VPS50: variants seen among roughly 807,000 people sequenced by gnomAD.
The protein encoded by VPS50 is syndetin.
In VPS50, 70 loss-of-function variants were observed where a neutral mutation model predicts 139.7. The observed-to-expected ratio is 0.50, with a 90% CI of 0.41 to 0.61. VPS50 has a LOEUF of 0.61. Ranked by LOEUF, VPS50 falls within the 20% of genes least tolerant of loss-of-function variation. VPS50 has a pLI of 0.00. For missense variants in VPS50, 921 were observed against 1,133.7 expected, an observed-to-expected ratio of 0.81 and a Z score of 2.69; for synonymous variants, 365 against 376.7, an observed-to-expected ratio of 0.97 and a Z score of 0.36.
At chr7:93,253,702 A>C (rs1795404048) in intron 3 of VPS50, among the ~76,000 whole-genome samples, 158 bp from the exon 4 acceptor site, 1 of 152,126 alleles carries the variant, frequency 6.6e-6, no homozygotes, top group Non-Finnish European at 1.5e-5. Flanking sequence ...GTTGGAACCT[A>C]GGAGGGAGGT....
intron 11 of VPS50, chr7:93,273,417 A>C (rs1796068669): frequency 6.6e-6 from 1 of 152,064 alleles, no homozygotes; most frequent in Non-Finnish European, 1.5e-5. Flanking sequence ...CCTCTTTTAG[A>C]AGGAAGTTTA....
At chr7:93,265,262 A>G (rs1021330910) in intron 9 of VPS50, among the ~76,000 whole-genome samples, 1 of 152,190 alleles carries the variant, frequency 6.6e-6, no homozygotes, top group African/African-American at 2.4e-5. Context: ...GAACTCTAGC[A>G]TGGGCTTGGC....
At chr7:93,244,081 C>T (rs1223050565) in intron 2 of VPS50, among the ~76,000 whole-genome samples, 1 of 151,102 alleles carries the variant, frequency 6.6e-6, no homozygotes, top group Non-Finnish European at 1.5e-5. Context: ...GATTTTTTTT[C>T]GTGAAAGAAA....
In VPS50 at chr7:93,358,426, C is replaced by T; in HGVS notation, c.2885C>T (p.Pro962Leu). The T allele has an allele frequency of 6.2e-7, 1 of 1,610,992 alleles. No homozygotes were observed. Among genetic ancestry groups the T allele is most frequent in the Non-Finnish European group, 8.5e-7 (1 of 1,177,698 alleles). The change falls in exon 28 of 28, where the codon CCT becomes CTT. Residue 962 changes from proline (P) to leucine (L), a missense_variant. Pro to Leu is a moderately conservative substitution (Grantham distance 98). Transcript: ENST00000305866. ...LLAAIDDIDR[P>L]KR ...GCAGCTATAGATGATATAGACAGAC[C>T]TAAAAGATAATGAACACAGCTCTCT... is the stretch of plus-strand genomic sequence containing the variant.
intron 23 of VPS50, among the ~76,000 whole-genome samples, chr7:93,346,704 G>T (rs1212807002): frequency 6.7e-6 from 1 of 149,314 alleles, no homozygotes; most frequent in African/African-American, 2.5e-5. Context: ...TGACAAACCT[G>T]AGAAAAACAA....
intron 2 of VPS50, among the ~76,000 whole-genome samples, chr7:93,250,086 G>A (rs567396908): frequency 5.3e-5 from 8 of 151,564 alleles, no homozygotes; most frequent in South Asian, 2.1e-4. Flanking sequence ...TTTTTTTCTC[G>A]GTGTATTTTA....
chr7:93,240,249 ACTCTCTCT>A (rs4015280), intron 2 of VPS50, among the ~76,000 whole-genome samples: 1 of 109,314 alleles, frequency 9.1e-6, no homozygotes, highest in Non-Finnish European at 1.9e-5. Flanking sequence ...ACACACACAC[ACTCTCTCT>A]CTCTCTCTCT....
rs766295203 is a variant in VPS50, at chr7:93,305,927, T to C, written c.1552T>C (p.Cys518Arg). The change falls in exon 18 of 28, where the codon TGT becomes CGT. Residue 518 changes from cysteine (C) to arginine (R), a missense_variant. Cys to Arg is a radical substitution (Grantham distance 180). Coordinates refer to ENST00000305866, the MANE Select transcript of VPS50 (RefSeq NM_017667.4). ...SKTVTLFEQY[C>R]SGGNPFEIQA... is the part of the protein sequence containing the mutation. ...AACAGTGACCTTGTTTGAGCAGTAC[T>C]GTAGTGGTGGGAATCCATTTGAAAT... is the stretch of plus-strand genomic sequence containing the variant. 6.8e-6 allele frequency: 11 copies of C among 1,612,444 alleles called. No homozygotes were observed. The highest frequency in any genetic ancestry group is 9.3e-6 in the Non-Finnish European group (11 of 1,178,656).
chr7:93,323,462 G>C (rs1797676850), intron 20 of VPS50, 149 bp from the exon 21 acceptor site: 1 of 252,022 alleles, frequency 4.0e-6, no homozygotes. Context: ...TGAAACTACT[G>C]AGTACTTGAG....
In VPS50 at chr7:93,252,620, A is replaced by G. The variant is rs76091415; in HGVS notation, c.103-33A>G. On this transcript the variant is annotated intron_variant, in intron 2 of 27. Coordinates refer to ENST00000305866, the MANE Select transcript of VPS50 (RefSeq NM_017667.4). ...ATGCAGATATAATTTTAACAGCTACAATTACTATAATTGTGATTTTTTTTT... is the reference window on the plus strand; with the variant it reads ...ATGCAGATATAATTTTAACAGCTACGATTACTATAATTGTGATTTTTTTTT... The G allele has an allele frequency of 5.0e-3, 7,387 of 1,467,576 alleles. 316 individuals carry two copies. In the African/African-American group the frequency reaches 0.091, roughly 18 times the overall value. The allele number at this position is 1,467,576 out of a possible 1,614,324, so 90.9% of individuals were successfully genotyped here.
At chr7:93,326,787 T>C (rs1797794216) in intron 21 of VPS50, among the ~76,000 whole-genome samples, 1 of 152,124 alleles carries the variant, frequency 6.6e-6, no homozygotes, top group African/African-American at 2.4e-5. Context: ...ATGTTTCATA[T>C]CTTTTTAAAA....
chr7:93,345,857 C>T (rs1481777924), intron 23 of VPS50, among the ~76,000 whole-genome samples: 1 of 152,062 alleles, frequency 6.6e-6, no homozygotes, highest in African/African-American at 2.4e-5. Context: ...TATGACAAAC[C>T]CACAGCCAAT....
chr7:93,342,692 G>T (rs533210617), intron 23 of VPS50, among the ~76,000 whole-genome samples: 9 of 152,284 alleles, frequency 5.9e-5, no homozygotes, highest in Middle Eastern at 3.4e-3. Context: ...CCGAGCAGCC[G>T]AACTGGGAGG....
intron 23 of VPS50, among the ~76,000 whole-genome samples, chr7:93,343,064 C>T (rs1406984575): frequency 6.6e-6 from 1 of 151,918 alleles, no homozygotes; most frequent in Non-Finnish European, 1.5e-5. Flanking sequence ...AAACCAAAGG[C>T]AAAGAAGTAG....
intron 2 of VPS50, 49 bp from the exon 3 acceptor site, chr7:93,252,604 T>C (rs1303418967): frequency 7.8e-7 from 1 of 1,287,584 alleles, no homozygotes; most frequent in Non-Finnish European, 1.1e-6. Flanking sequence ...CATGCAGATA[T>C]AATTTTAACA....
intron 26 of VPS50, among the ~76,000 whole-genome samples, chr7:93,354,629 G>A (rs1303612044): frequency 6.6e-6 from 1 of 151,886 alleles, no homozygotes; most frequent in Non-Finnish European, 1.5e-5. Flanking sequence ...ATCAGCCCTC[G>A]TAACCCTTAT....
At chr7:93,312,462 G>A (rs1797297268) in intron 20 of VPS50, among the ~76,000 whole-genome samples, 1 of 152,066 alleles carries the variant, frequency 6.6e-6, no homozygotes, top group Non-Finnish European at 1.5e-5. Flanking sequence ...GAAACACAGT[G>A]GTTTGCAAGA....
chr7:93,258,078 A>G (rs1436672269), intron 6 of VPS50, 81 bp from the exon 7 acceptor site: 1 of 656,130 alleles, frequency 1.5e-6, no homozygotes, highest in Admixed American at 2.8e-5. Context: ...TCACTGCTTC[A>G]TTAGTTACCT....
chr7:93,332,923 CTA>C (rs1211999331), intron 21 of VPS50, among the ~76,000 whole-genome samples: 1 of 146,130 alleles, frequency 6.8e-6, no homozygotes, highest in African/African-American at 2.5e-5. Context: ...AAGGCAAAAA[CTA>C]CAGTGAGAGA....
Sources: allele counts gnomAD v4.1 joint callset (sites outside exome capture counted in the v4.1 genomes callset), GRCh38; gene constraint gnomAD v4.1.1; transcripts MANE v1.5; gene names NCBI Gene and HGNC (gene_info 2026-07-23, HGNC 2026-07-21).